The following CECR2 variants were observed in gnomAD, a reference collection of about 807,000 sequenced individuals.
CECR2 encodes CECR2 histone acetyl-lysine reader.
CECR2 carries 30 observed loss-of-function variants against 154.5 expected under a neutral mutation model. That is an observed-to-expected ratio of 0.19 (90% confidence interval 0.15 to 0.26). The LOEUF (loss-of-function observed/expected upper bound fraction) is 0.26. Ranked by LOEUF, CECR2 falls within the 10% of genes least tolerant of loss-of-function variation. CECR2 has a pLI of 1.00. For synonymous variants in CECR2, 725 were observed against 683.7 expected (o/e 1.06, Z -0.94); for missense variants, 1,743 against 1,829.3 (o/e 0.95, Z 0.86).
rs184248348 is a variant in CECR2 at position 17,413,868 on chromosome 22, A to G, written c.126+43959A>G. 3.2e-3 allele frequency among the ~76,000 whole-genome samples: 464 copies of G among 145,552 alleles called. 2 individuals are homozygous for G. The highest frequency in any genetic ancestry group is 0.017 in the South Asian group (78 of 4,520). ...ATTTTTTTTTTTTTTTAGTAGAGAC[A>G]GGGTTTCACCATGGTAGCCAGGATG... On this transcript the variant is annotated intron_variant, in intron 1 of 18. Coordinates refer to ENST00000262608, the MANE Select transcript of CECR2 (RefSeq NM_001290047.2).
chr22:17,540,491 C>T lies in CECR2; in HGVS notation c.1575C>T (p.Asp525=), dbSNP rs1412142233. 6.2e-7 allele frequency: 1 copy of T among 1,608,700 alleles called. No individual in the cohort carries two copies. Among genetic ancestry groups the T allele is most frequent in the Non-Finnish European group, 8.5e-7 (1 of 1,177,334 alleles). Reference sequence around the variant, plus strand: ...AACATTTTCCTGGAGAAGATGGAGACACAGATGAAGAATTTTGGATTCGAG... The same window carrying T: ...AACATTTTCCTGGAGAAGATGGAGATACAGATGAAGAATTTTGGATTCGAG... ...MMKHFPGEDG[D]TDEEFWIRED... Residue 525 remains aspartate (D), a synonymous_variant, in exon 14 of 19, where the codon GAC becomes GAT. Coordinates refer to ENST00000262608, the MANE Select transcript of CECR2 (RefSeq NM_001290047.2).
intron 2 of CECR2, among the ~76,000 whole-genome samples, chr22:17,486,283 ACAT>A (rs1288645112): frequency 1.3e-5 from 2 of 152,272 alleles, no homozygotes; most frequent in Non-Finnish European, 2.9e-5. Context: ...AGCCTGAGAG[ACAT>A]CGAGAATAAA....
intron 8 of CECR2, among the ~76,000 whole-genome samples, chr22:17,521,400 C>T (rs1028063674): frequency 4.6e-5 from 7 of 151,966 alleles, no homozygotes; most frequent in Non-Finnish European, 8.8e-5. Context: ...ATTAGCCAGG[C>T]GTGGTGGCGG....
At chr22:17,392,145 G>C (rs1271541438) in intron 1 of CECR2, among the ~76,000 whole-genome samples, 1 of 152,172 alleles carries the variant, frequency 6.6e-6, no homozygotes, top group East Asian at 1.9e-4. Flanking sequence ...AAATAAGCGT[G>C]GCTTGGTAGC....
At chr22:17,432,518 CTG>C (rs2054441001) in intron 1 of CECR2, among the ~76,000 whole-genome samples, 1 of 152,216 alleles carries the variant, frequency 6.6e-6, no homozygotes, top group Admixed American at 6.5e-5. Flanking sequence ...CATATGATTA[CTG>C]TGTTTAACCT....
intron 1 of CECR2, among the ~76,000 whole-genome samples, chr22:17,449,883 C>A (rs1369867231): frequency 6.6e-6 from 1 of 152,214 alleles, no homozygotes; most frequent in Non-Finnish European, 1.5e-5. Flanking sequence ...CCGGAAATGT[C>A]AGTCACTCCA....
chr22:17,451,650 A>C (rs1036102360), intron 1 of CECR2, among the ~76,000 whole-genome samples: 5 of 152,158 alleles, frequency 3.3e-5, no homozygotes, highest in African/African-American at 1.2e-4. Context: ...CTTTGCCTGG[A>C]AAGTTCTTTC....
chr22:17,389,386 T>C (rs1197839988), intron 1 of CECR2, among the ~76,000 whole-genome samples: 1 of 152,242 alleles, frequency 6.6e-6, no homozygotes, highest in Non-Finnish European at 1.5e-5. Context: ...CATCTCTAGC[T>C]GTGTAATTAC....
At chr22:17,494,283 G>A (rs1241687048) in intron 2 of CECR2, among the ~76,000 whole-genome samples, 1 of 152,120 alleles carries the variant, frequency 6.6e-6, no homozygotes, top group African/African-American at 2.4e-5. Context: ...TACTTTAGTA[G>A]AGACGGGGTT....
chr22:17,426,417 C>T (rs1409169622), intron 1 of CECR2, among the ~76,000 whole-genome samples: 5 of 151,964 alleles, frequency 3.3e-5, no homozygotes, highest in Non-Finnish European at 1.5e-5. Context: ...AGTGCAGTGG[C>T]GCGATTTCAG....
At chr22:17,544,165 A>T (rs1372673256) in intron 16 of CECR2, among the ~76,000 whole-genome samples, 2 of 152,190 alleles carry the variant, frequency 1.3e-5, no homozygotes, top group African/African-American at 4.8e-5. Flanking sequence ...CAGGAGTTCG[A>T]GACCAGCCTG....
chr22:17,375,512 A>C (rs998661609), intron 1 of CECR2, among the ~76,000 whole-genome samples: 6 of 152,158 alleles, frequency 3.9e-5, no homozygotes, highest in African/African-American at 1.4e-4. Flanking sequence ...TTTTTAGTGC[A>C]ATGAGACAGA....
rs1458441857 is a variant in CECR2, at chr22:17,553,041, G to A, written c.*201G>A. On this transcript the variant is annotated 3_prime_UTR_variant, in exon 19 of 19. Coordinates refer to ENST00000262608, the MANE Select transcript of CECR2 (RefSeq NM_001290047.2). ...AGATGACTGACACACAGATTGCAAA[G>A]GTCCTCGGCCAGGGATCTCTTGCAC... is the stretch of plus-strand genomic sequence containing the variant. The A allele has an allele frequency of 6.3e-6, 8 of 1,263,224 alleles. No individual in the cohort carries two copies. Among genetic ancestry groups the A allele is most frequent in the African/African-American group, 4.6e-5 (3 of 64,970 alleles). 78.3% of individuals were successfully genotyped at this position (1,263,224 alleles called of 1,614,324 possible). A position where few individuals can be genotyped will look rare whatever the true frequency, so the allele number is the denominator to read the frequency against.
chr22:17,421,135 C>A (rs1041897245), intron 1 of CECR2, among the ~76,000 whole-genome samples: 6 of 152,050 alleles, frequency 3.9e-5, no homozygotes, highest in Admixed American at 3.9e-4. Context: ...TTCTCCAGTG[C>A]TGTTTCTTTA....
rs1302117498 is a variant in CECR2, at chr22:17,549,786, T to TG, written c.4277+222_4277+223insG. ...CACCACACCCAGCTAACTTTTTGGT[T>TG]TTTTTTTTTTTTTTTTTTTGGTGGA... On this transcript the variant is annotated intron_variant, in intron 17 of 18. Transcript: ENST00000262608. Among the ~76,000 whole-genome samples the TG allele has an allele frequency of 1.2e-4, 17 of 138,738 alleles. 1 individual carries two copies. In the Admixed American group the frequency reaches 1.3e-3, roughly 10 times the overall value. The allele number at this position is 138,738 out of a possible 152,430, so 91.0% of individuals were successfully genotyped here.
chr22:17,440,367 T>C (rs2054566687), intron 1 of CECR2, among the ~76,000 whole-genome samples: 1 of 152,236 alleles, frequency 6.6e-6, no homozygotes, highest in African/African-American at 2.4e-5. Context: ...CTCACCTTTA[T>C]TACATTCCCA....
chr22:17,429,838 T>C (rs2054394333), intron 1 of CECR2, among the ~76,000 whole-genome samples: 1 of 152,148 alleles, frequency 6.6e-6, no homozygotes, highest in African/African-American at 2.4e-5. Flanking sequence ...TTTTCATTCA[T>C]GGTCAGAGTG....
At chr22:17,519,941 C>T (rs2056127576) in intron 8 of CECR2, among the ~76,000 whole-genome samples, 1 of 152,088 alleles carries the variant, frequency 6.6e-6, no homozygotes, top group South Asian at 2.1e-4. Context: ...CAGGCACACA[C>T]CACCGTGCCC....
chr22:17,422,538 C>T (rs935106839), intron 1 of CECR2, among the ~76,000 whole-genome samples: 1 of 152,074 alleles, frequency 6.6e-6, no homozygotes, highest in South Asian at 2.1e-4. Context: ...TCTGAACTTC[C>T]TTAGATCTGT....
Sources: gnomAD v4.1 joint callset for allele counts (sites outside exome capture counted in the v4.1 genomes callset) on GRCh38, gnomAD v4.1.1 for gene constraint, MANE v1.5 for transcripts, NCBI Gene and HGNC (gene_info 2026-07-23, HGNC 2026-07-21) for gene names.